TMEM242: variants seen among roughly 807,000 people sequenced by gnomAD.
TMEM242 encodes the protein UPF0463 transmembrane protein C6orf35.
A neutral mutation model predicts 18.2 loss-of-function variants in TMEM242; 10 were observed. The observed-to-expected ratio is 0.55, with a 90% confidence interval of 0.34 to 0.93. The LOEUF is 0.93. Among genes scored for constraint, TMEM242 ranks in the 40% least tolerant of loss-of-function variants. TMEM242 has a pLI of 0.02. For missense variants in TMEM242, 186 were observed against 175.5 expected, an observed-to-expected ratio of 1.06 and a Z score of -0.34; for synonymous variants, 57 against 69.9, an observed-to-expected ratio of 0.81 and a Z score of 0.92.
At chr6:157,303,513 A>C (rs1777859934) in intron 3 of TMEM242, among the ~76,000 whole-genome samples, 1 of 152,282 alleles carries the variant, frequency 6.6e-6, no homozygotes, top group Non-Finnish European at 1.5e-5. Context: ...AATCTATTAC[A>C]GTGTTAGAAA....
chr6:157,302,250 T>C (rs782272837), intron 3 of TMEM242, among the ~76,000 whole-genome samples: 1 of 152,228 alleles, frequency 6.6e-6, no homozygotes, highest in Non-Finnish European at 1.5e-5. Context: ...AGGAATCCTT[T>C]AAAAGCAACA....
chr6:157,322,677 G>C (rs781888638), intron 2 of TMEM242, 28 bp downstream of exon 2: 4 of 1,578,302 alleles, frequency 2.5e-6, no homozygotes, highest in Middle Eastern at 3.5e-4. Flanking sequence ...CAATAACAAT[G>C]CTATGAATGG....
intron 3 of TMEM242, among the ~76,000 whole-genome samples, chr6:157,293,980 C>T (rs587744759): frequency 6.6e-6 from 1 of 152,228 alleles, no homozygotes; most frequent in East Asian, 1.9e-4. Context: ...CTCGGTCTCC[C>T]AAAGTGCTGA....
intron 3 of TMEM242, among the ~76,000 whole-genome samples, chr6:157,314,369 T>TCACCCGGCCTCATCACAGTG (rs1583574482): frequency 1.2e-3 from 7 of 6,034 alleles, no homozygotes; most frequent in African/African-American, 1.8e-3. Context: ...CCAGCATGCA[T>TCACCCGGCCTCATCACAGTG]TCCCATGATC....
chr6:157,297,180 C>T (rs587606564), intron 3 of TMEM242, among the ~76,000 whole-genome samples: 1 of 152,296 alleles, frequency 6.6e-6, no homozygotes, highest in African/African-American at 2.4e-5. Context: ...GTGATGGAAG[C>T]TCAGAGAAAC....
Position 157,299,714 on chromosome 6 carries a change from C to T in TMEM242, c.328-6715G>A, listed in dbSNP as rs1554247386. On this transcript the variant is annotated intron_variant, in intron 3 of 3. Transcript: ENST00000400788. ...AAGGCGCGTTTCTCCCTTTTCTTGACGTGCACCTTCTGTGATAATCACTAG... is the reference window on the plus strand; with the variant it reads ...AAGGCGCGTTTCTCCCTTTTCTTGATGTGCACCTTCTGTGATAATCACTAG... The T allele has an allele frequency of 5.6e-6, 9 of 1,606,270 alleles. No individual in the cohort carries two copies. The Admixed American group carries it at 6.7e-5, about 12-fold the overall frequency.
chr6:157,298,215 C>T (rs1777776458), intron 3 of TMEM242, among the ~76,000 whole-genome samples: 1 of 152,194 alleles, frequency 6.6e-6, no homozygotes, highest in Non-Finnish European at 1.5e-5. Context: ...TTCTAACATG[C>T]TTCTTGATTT....
chr6:157,315,871 G>A (rs1778379663), intron 3 of TMEM242, among the ~76,000 whole-genome samples: 1 of 152,102 alleles, frequency 6.6e-6, no homozygotes, highest in Non-Finnish European at 1.5e-5. Context: ...ATATACCACT[G>A]TGTGAAATAG....
intron 3 of TMEM242, among the ~76,000 whole-genome samples, chr6:157,312,478 C>T (rs201363812): frequency 0.014 from 498 of 36,080 alleles, 5 homozygotes; most frequent in African/African-American, 0.028. Flanking sequence ...ACTCACCTAG[C>T]CTCATCATAG....
rs185691120 is a variant in TMEM242 at position 157,323,438 on chromosome 6, G to T, written c.62C>A (p.Thr21Lys). The T allele has an allele frequency of 2.5e-6, 4 of 1,614,104 alleles. No individual in the cohort carries two copies. The highest frequency in any genetic ancestry group is 3.4e-6 in the Non-Finnish European group (4 of 1,179,974). ...TTTAACCAGGAAAAGCCGGTCATTC[G>T]TGGACCCCGGAGCCTCCAGCCCAGA... ...PASGLEAPGS[T>K]NDRLFLVKGG... is the part of the protein sequence containing the mutation. Residue 21 changes from threonine (T) to lysine (K), a missense_variant, in exon 1 of 4, where the codon ACG becomes AAG. Thr to Lys is a moderately conservative substitution (Grantham distance 78). Transcript: ENST00000400788.
intron 3 of TMEM242, among the ~76,000 whole-genome samples, chr6:157,313,500 C>T (rs1778279310): frequency 6.8e-6 from 1 of 147,466 alleles, no homozygotes; most frequent in Non-Finnish European, 1.5e-5. Context: ...CACCTAGACT[C>T]ATCATAGTAC....
chr6:157,313,339 T>C, intron 3 of TMEM242, among the ~76,000 whole-genome samples: 1 of 152,074 alleles, frequency 6.6e-6, no homozygotes, highest in Non-Finnish European at 1.5e-5. Flanking sequence ...CTCATCATAG[T>C]GCCCCAGTGT....
At chr6:157,299,484 G>A (rs1461735060) in intron 3 of TMEM242, 1 of 1,415,836 alleles carries the variant, frequency 7.1e-7, no homozygotes, top group Non-Finnish European at 1.0e-6. Context: ...CCAAGCTTTT[G>A]TCCAAACAAG....
At chr6:157,303,288 G>C (rs1255190276) in intron 3 of TMEM242, among the ~76,000 whole-genome samples, 1 of 152,226 alleles carries the variant, frequency 6.6e-6, no homozygotes, top group Admixed American at 6.5e-5. Context: ...AAAGGTGAGA[G>C]AGACAGAAAG....
At chr6:157,310,702 G>C (rs1583562881) in intron 3 of TMEM242, among the ~76,000 whole-genome samples, 1 of 147,452 alleles carries the variant, frequency 6.8e-6, no homozygotes, top group African/African-American at 2.5e-5. Context: ...CCTCATCATA[G>C]TGCCCCAGTG....
intron 3 of TMEM242, among the ~76,000 whole-genome samples, chr6:157,317,860 A>C (rs1778432707): frequency 6.6e-6 from 1 of 152,194 alleles, no homozygotes. Flanking sequence ...CTTGACCTTC[A>C]AAATATATCG....
At chr6:157,322,967 T>C (rs1452493292) in intron 1 of TMEM242, among the ~76,000 whole-genome samples, 162 bp from the exon 2 acceptor site, 7 of 152,166 alleles carry the variant, frequency 4.6e-5, no homozygotes, top group African/African-American at 1.7e-4. Flanking sequence ...TAACAGTAAA[T>C]GACAGCGGCT....
intron 3 of TMEM242, among the ~76,000 whole-genome samples, chr6:157,313,065 A>T (rs1778238874): frequency 4.0e-5 from 6 of 151,708 alleles, no homozygotes; most frequent in East Asian, 1.9e-4. Flanking sequence ...GCCTCATCAT[A>T]GGGTCCCAGT....
intron 3 of TMEM242, among the ~76,000 whole-genome samples, chr6:157,298,409 A>G (rs931838611): frequency 4.6e-5 from 7 of 152,306 alleles, no homozygotes; most frequent in African/African-American, 1.7e-4. Flanking sequence ...TGCGTTAAAC[A>G]TTTTATAACA....
Sources: allele counts gnomAD v4.1 joint callset (sites outside exome capture counted in the v4.1 genomes callset), GRCh38; gene constraint gnomAD v4.1.1; transcripts MANE v1.5; gene names NCBI Gene and HGNC (gene_info 2026-07-23, HGNC 2026-07-21).